Variants in PPIP5K1 observed in about 807,000 individuals in gnomAD.
The protein encoded by PPIP5K1 is diphosphoinositol pentakisphosphate kinase 1.
In PPIP5K1, 6 loss-of-function variants were observed where a neutral mutation model predicts 27.7. The ratio of observed to expected loss-of-function variants is 0.22; its 90% confidence interval spans 0.12 to 0.43. The LOEUF is 0.43. Ranked by LOEUF, PPIP5K1 falls within the 20% of genes least tolerant of loss-of-function variation. The pLI is 1.00. For synonymous variants in PPIP5K1, 145 were observed against 242.6 expected, an observed-to-expected ratio of 0.60 and a Z score of 3.74; for missense variants, 394 against 635.4, an observed-to-expected ratio of 0.62 and a Z score of 4.08.
At chr15:43,551,020 T>C (rs1368596844) in intron 30 of PPIP5K1, among the ~76,000 whole-genome samples, 1 of 152,198 alleles carries the variant, frequency 6.6e-6, no homozygotes, top group East Asian at 1.9e-4. Context: ...TGTTCGGGAC[T>C]TTTGCCTCTA....
At chr15:43,551,977 A>ATTT (rs35153209) in intron 30 of PPIP5K1, among the ~76,000 whole-genome samples, 2 of 144,792 alleles carry the variant, frequency 1.4e-5, no homozygotes, top group African/African-American at 2.5e-5. Context: ...TTGATTTCAG[A>ATTT]TTTTTTTTTT....
chr15:43,547,664 A>C (rs2081544940), intron 30 of PPIP5K1, among the ~76,000 whole-genome samples: 1 of 152,230 alleles, frequency 6.6e-6, no homozygotes, highest in African/African-American at 2.4e-5. Context: ...AACTGGCCAT[A>C]GATGTTTAAT....
chr15:43,537,986 G>A (rs1217414326), intron 31 of PPIP5K1, among the ~76,000 whole-genome samples: 1 of 152,056 alleles, frequency 6.6e-6, no homozygotes, highest in Non-Finnish European at 1.5e-5. Context: ...AGAAGAGGGA[G>A]AAGGGTAAGA....
chr15:43,553,289 G>C (rs1199332926), intron 30 of PPIP5K1, among the ~76,000 whole-genome samples: 1 of 151,680 alleles, frequency 6.6e-6, no homozygotes, highest in African/African-American at 2.4e-5. Context: ...ACATATGTCT[G>C]TTAGGTCGAG....
At chr15:43,542,115 A>G (rs935966274) in intron 30 of PPIP5K1, among the ~76,000 whole-genome samples, 2 of 152,200 alleles carry the variant, frequency 1.3e-5, no homozygotes, top group Non-Finnish European at 1.5e-5. Flanking sequence ...ATCAACTGGC[A>G]TATTCTCTGT....
At chr15:43,539,212 C>A (rs1015769809) in intron 31 of PPIP5K1, among the ~76,000 whole-genome samples, 5 of 142,006 alleles carry the variant, frequency 3.5e-5, no homozygotes, top group African/African-American at 8.3e-5. Context: ...AAAAAAAAAA[C>A]AATTATTCCT....
intron 28 of PPIP5K1, 40 bp from the exon 29 acceptor site, chr15:43,560,635 TAGAG>T (rs1357634399): frequency 6.8e-6 from 3 of 438,088 alleles, no homozygotes; most frequent in African/African-American, 2.1e-5. Flanking sequence ...AGCACAAAGA[TAGAG>T]AAAGAGAAGA....
intron 30 of PPIP5K1, among the ~76,000 whole-genome samples, chr15:43,550,644 T>C (rs907151296): frequency 2.0e-5 from 3 of 152,216 alleles, no homozygotes; most frequent in African/African-American, 7.2e-5. Context: ...GGTACGAATG[T>C]TGAATAGCAG....
intron 30 of PPIP5K1, among the ~76,000 whole-genome samples, chr15:43,558,177 C>T (rs2083261840): frequency 6.6e-6 from 1 of 150,472 alleles, no homozygotes; most frequent in Admixed American, 6.6e-5. Flanking sequence ...TTCTCCTAGC[C>T]TCCCAAGCAG....
At position 43,540,284 on chromosome 15, in the gene PPIP5K1, G is replaced by C. The variant is rs114524263; in HGVS notation, c.3557-701C>G. 9.9e-3 allele frequency among the ~76,000 whole-genome samples: 1,506 copies of C among 151,926 alleles called. 24 individuals are homozygous for C. Among genetic ancestry groups the C allele is most frequent in the African/African-American group, 0.034 (1,428 of 41,426 alleles). On this transcript the variant is annotated intron_variant, in intron 30 of 31. Coordinates refer to ENST00000420765, the MANE Select transcript of PPIP5K1 (RefSeq NM_001394395.1). Reference sequence around the variant, plus strand: ...TAATAAAATATAAGATATTTTTCCAGCTGGGTGTGGTGGCTCATGCCTGTA... The same window carrying C: ...TAATAAAATATAAGATATTTTTCCACCTGGGTGTGGTGGCTCATGCCTGTA...
intron 30 of PPIP5K1, among the ~76,000 whole-genome samples, chr15:43,547,948 A>G (rs576041258): frequency 2.3e-4 from 35 of 152,332 alleles, no homozygotes; most frequent in Admixed American, 8.5e-4. Context: ...GAATACTGCC[A>G]TCTTAACAAT....
intron 30 of PPIP5K1, among the ~76,000 whole-genome samples, chr15:43,546,957 C>G (rs2081446232): frequency 6.6e-6 from 1 of 152,164 alleles, no homozygotes; most frequent in African/African-American, 2.4e-5. Flanking sequence ...CTGTGCCCAG[C>G]CTATGTTTAA....
Position 43,557,657 on chromosome 15 carries a change from TTCTCTCTC to T in PPIP5K1, c.3556+1130_3556+1137del. Among the ~76,000 whole-genome samples, 4 of 149,234 alleles carry T rather than the reference TTCTCTCTC, an allele frequency of 2.7e-5. 1 individual carries two copies. The highest frequency in any genetic ancestry group is 6.0e-5 in the Non-Finnish European group (4 of 67,116). ...AGGGTTTTTTCTCTCTCTCTTCTCT[TTCTCTCTC>T]TCTCTCTCTCTCTTTTGTGGTAACA... On this transcript the variant is annotated intron_variant, in intron 30 of 31. Transcript: ENST00000420765.
intron 30 of PPIP5K1, among the ~76,000 whole-genome samples, chr15:43,555,588 AT>A (rs1214606366): frequency 1.3e-5 from 2 of 149,886 alleles, no homozygotes; most frequent in African/African-American, 2.5e-5. Context: ...GCCTGGCTGA[AT>A]TTTTGTTTGT....
Position 43,534,596 on chromosome 15 carries a change from A to G in PPIP5K1, c.*78T>C. 7.5e-7 allele frequency: 1 copy of G among 1,326,208 alleles called. No individual in the cohort carries two copies. The highest frequency in any genetic ancestry group is 1.0e-6 in the Non-Finnish European group (1 of 975,164). The allele number at this position is 1,326,208 out of a possible 1,614,324, so 82.2% of individuals were successfully genotyped here. A position where few individuals can be genotyped will look rare whatever the true frequency, so the allele number is the denominator to read the frequency against. The stretch of plus-strand genomic sequence containing the variant: ...CTAGAGACTGGCTCTGAGGGTTTGG[A>G]TCACCAGATGGATGCTGGGCTTGAG... On this transcript the variant is annotated 3_prime_UTR_variant, in exon 32 of 32. Transcript: ENST00000420765.
At chr15:43,538,986 G>A (rs1273776588) in intron 31 of PPIP5K1, among the ~76,000 whole-genome samples, 8 of 152,074 alleles carry the variant, frequency 5.3e-5, no homozygotes, top group Admixed American at 3.3e-4. Context: ...TGAGGCAGGC[G>A]GGTCACCTGA....
Position 43,534,254 on chromosome 15 carries a change from G to T in PPIP5K1, c.*420C>A, listed in dbSNP as rs1357247754. 6.3e-6 allele frequency: 1 copy of T among 159,350 alleles called. No individual in the cohort carries two copies. The highest frequency in any genetic ancestry group is 2.4e-5 in the African/African-American group (1 of 41,646). The allele number at this position is 159,350 out of a possible 1,614,324, so 9.9% of individuals were successfully genotyped here. ...GAAGCGGCATTTCCTTTAACAATCT[G>T]TGATTTCCTAGGATGCTCAGAGAAG... On this transcript the variant is annotated 3_prime_UTR_variant, in exon 32 of 32. Transcript: ENST00000420765.
Position 43,539,514 on chromosome 15 carries a change from G to A in PPIP5K1, c.3626C>T (p.Ser1209Leu). 1.2e-6 allele frequency: 2 copies of A among 1,609,760 alleles called. No homozygotes were observed. The highest frequency in any genetic ancestry group is 1.7e-6 in the Non-Finnish European group (2 of 1,177,708). The change falls in exon 31 of 32, where the codon TCA becomes TTA. Residue 1209 changes from serine (S) to leucine (L), a missense_variant. Transcript: ENST00000420765. ...GCGCTGCTGGAGTTGCAGGGGAGGTGAATGAAGAGTACGTGGTGGAGAAAA... is the reference window on the plus strand; with the variant it reads ...GCGCTGCTGGAGTTGCAGGGGAGGTAAATGAAGAGTACGTGGTGGAGAAAA... ...NPFSPPRTLH[S>L]PPLQLQQRSE...
At chr15:43,558,201 C>T (rs1336429611) in intron 30 of PPIP5K1, among the ~76,000 whole-genome samples, 1 of 150,910 alleles carries the variant, frequency 6.6e-6, no homozygotes. Flanking sequence ...GGACTACAGG[C>T]ACACACCAAC....
Sources: gnomAD v4.1 joint callset for allele counts (sites outside exome capture counted in the v4.1 genomes callset) on GRCh38, gnomAD v4.1.1 for gene constraint, MANE v1.5 for transcripts, NCBI Gene and HGNC (gene_info 2026-07-23, HGNC 2026-07-21) for gene names.